Variants in DLGAP2 observed in about 807,000 individuals in gnomAD.
DLGAP2 encodes disks large-associated protein 2.
DLGAP2 carries 26 observed loss-of-function variants against 100.3 expected under a neutral mutation model. The ratio of observed to expected loss-of-function variants is 0.26; its 90% CI spans 0.19 to 0.36. The LOEUF is 0.36. Among genes scored for constraint, DLGAP2 ranks in the 10% least tolerant of loss-of-function variants. DLGAP2 has a pLI of 1.00. For missense variants in DLGAP2, 1,858 were observed against 1,453.2 expected, an observed-to-expected ratio of 1.28 and a Z score of -4.53; for synonymous variants, 886 against 630.1, an observed-to-expected ratio of 1.41 and a Z score of -6.08.
chr8:1,442,391 C>A (rs917876871), intron 3 of DLGAP2, among the ~76,000 whole-genome samples: 2 of 147,592 alleles, frequency 1.4e-5, no homozygotes, highest in Admixed American at 6.8e-5. Context: ...CTGGAGGAGA[C>A]GGATCCGGGC....
intron 4 of DLGAP2, among the ~76,000 whole-genome samples, chr8:1,505,602 A>G (rs1248863653): frequency 6.6e-6 from 1 of 152,242 alleles, no homozygotes; most frequent in Non-Finnish European, 1.5e-5. Flanking sequence ...GCTGTGAAAT[A>G]TAGGAGGATA....
chr8:747,605 C>T (rs1820657905), intron 1 of DLGAP2, among the ~76,000 whole-genome samples: 1 of 108,792 alleles, frequency 9.2e-6, no homozygotes, highest in African/African-American at 3.8e-5. Flanking sequence ...ACGGGACGGG[C>T]AGGCTGTGTG....
At chr8:1,683,558 C>T (rs1292584550) in intron 12 of DLGAP2, among the ~76,000 whole-genome samples, 2 of 151,076 alleles carry the variant, frequency 1.3e-5, no homozygotes, top group Non-Finnish European at 3.0e-5. Flanking sequence ...GAAGTGGCCA[C>T]ATTTGACATT....
intron 2 of DLGAP2, among the ~76,000 whole-genome samples, chr8:1,068,392 G>A (rs781554198): frequency 2.0e-5 from 3 of 152,176 alleles, no homozygotes; most frequent in African/African-American, 4.8e-5. Flanking sequence ...GTCTTCCAAC[G>A]CAGCTGCGTT....
chr8:806,100 C>A (rs921985885), intron 1 of DLGAP2, among the ~76,000 whole-genome samples: 11 of 152,202 alleles, frequency 7.2e-5, no homozygotes, highest in Non-Finnish European at 1.6e-4. Flanking sequence ...TGTCAGTTAT[C>A]AGCTTAAGAC....
Position 1,253,040 on chromosome 8 carries a change from G to A in DLGAP2, c.74-5811G>A, listed in dbSNP as rs145929779. On this transcript the variant is annotated intron_variant, in intron 2 of 14. Transcript: ENST00000637795. Reference sequence around the variant, plus strand: ...CCAGCCCTCATCCCGCTGTCCCTCCGCTGCTTGCACTGCACGGCCCACGGC... The same window carrying A: ...CCAGCCCTCATCCCGCTGTCCCTCCACTGCTTGCACTGCACGGCCCACGGC... Among the ~76,000 whole-genome samples, 102 of 152,270 alleles carry A rather than the reference G, an allele frequency of 6.7e-4. 1 individual carries two copies. Among genetic ancestry groups the A allele is most frequent in the African/African-American group, 2.0e-3 (82 of 41,568 alleles).
chr8:897,117 C>G (rs954465100), intron 1 of DLGAP2, among the ~76,000 whole-genome samples: 3 of 152,128 alleles, frequency 2.0e-5, no homozygotes, highest in Non-Finnish European at 4.4e-5. Context: ...GGGGGTTCAG[C>G]AGCAGGTCTC....
chr8:1,258,961 G>T, intron 3 of DLGAP2, 78 bp downstream of exon 3: 1 of 1,156,074 alleles, frequency 8.6e-7, no homozygotes, highest in South Asian at 4.4e-5. Context: ...AGTCTACCAT[G>T]AAACGTGTTG....
intron 6 of DLGAP2, among the ~76,000 whole-genome samples, chr8:1,581,468 C>G (rs181372182): frequency 6.7e-6 from 1 of 149,506 alleles, no homozygotes; most frequent in East Asian, 2.0e-4. Flanking sequence ...AGACAAAACT[C>G]CACACATATA....
At chr8:982,032 A>G (rs371646233) in intron 2 of DLGAP2, among the ~76,000 whole-genome samples, 1 of 152,086 alleles carries the variant, frequency 6.6e-6, no homozygotes, top group African/African-American at 2.4e-5. Flanking sequence ...TCCACCTTTA[A>G]ACTTGCTTTG....
chr8:986,828 T>A (rs991059991), intron 2 of DLGAP2, among the ~76,000 whole-genome samples: 4 of 151,946 alleles, frequency 2.6e-5, no homozygotes, highest in Admixed American at 6.6e-5. Context: ...CCTGGCTAAT[T>A]TTTGTATTTT....
In DLGAP2 at chr8:1,303,195, A is replaced by T. The variant is rs562919828; in HGVS notation, c.106+44312A>T. On this transcript the variant is annotated intron_variant, in intron 3 of 14. Coordinates refer to ENST00000637795, the MANE Select transcript of DLGAP2 (RefSeq NM_001346810.2). The stretch of plus-strand genomic sequence containing the variant: ...GGTGGATCACAAGGTCAGGAGCTCA[A>T]GACCATCCTGGCTAACACGGTGAAA... Among the ~76,000 whole-genome samples the T allele has an allele frequency of 1.8e-3, 278 of 152,314 alleles. 1 individual carries two copies. Among genetic ancestry groups the T allele is most frequent in the African/African-American group, 6.4e-3 (265 of 41,584 alleles).
At chr8:1,553,726 G>A (rs769207597) in intron 5 of DLGAP2, among the ~76,000 whole-genome samples, 23 of 152,206 alleles carry the variant, frequency 1.5e-4, no homozygotes, top group Non-Finnish European at 2.6e-4. Context: ...GCTGAAGGAC[G>A]TGTTGCGGGT....
intron 2 of DLGAP2, among the ~76,000 whole-genome samples, chr8:1,173,576 C>G (rs1463477231): frequency 6.6e-6 from 1 of 152,182 alleles, no homozygotes. Context: ...CCTAAGCAAG[C>G]CTGGGCAATG....
At chr8:1,263,413 C>A (rs966293044) in intron 3 of DLGAP2, among the ~76,000 whole-genome samples, 1 of 152,114 alleles carries the variant, frequency 6.6e-6, no homozygotes, top group South Asian at 2.1e-4. Context: ...CCTACAGAAT[C>A]TTATATTTTA....
In DLGAP2 at chr8:1,247,321, T is replaced by G. The variant is rs1334009482; in HGVS notation, c.74-11530T>G. Among the ~76,000 whole-genome samples, 9 of 116,326 alleles carry G rather than the reference T, an allele frequency of 7.7e-5. 1 individual carries two copies. Among genetic ancestry groups the G allele is most frequent in the South Asian group, 2.8e-4 (1 of 3,568 alleles). The allele number at this position is 116,326 out of a possible 152,430, so 76.3% of individuals were successfully genotyped here. ...AAGACCATTGAGATCAGTGTGGGAG[T>G]GATGGTCCACATCGGTGGCCAGCAA... is the stretch of plus-strand genomic sequence containing the variant. On this transcript the variant is annotated intron_variant, in intron 2 of 14. Transcript: ENST00000637795.
chr8:1,504,085 T>C (rs1325959250), intron 4 of DLGAP2, among the ~76,000 whole-genome samples: 3 of 151,954 alleles, frequency 2.0e-5, no homozygotes, highest in African/African-American at 7.3e-5. Flanking sequence ...TGACCCTGGT[T>C]CTATGTCAGT....
At chr8:1,005,372 A>G (rs191549681) in intron 2 of DLGAP2, among the ~76,000 whole-genome samples, 4 of 149,282 alleles carry the variant, frequency 2.7e-5, no homozygotes, top group South Asian at 2.2e-4. Context: ...GTTGATGCCC[A>G]TGTTGTTTCC....
At position 1,067,237 on chromosome 8, in the gene DLGAP2, G is replaced by A. The variant is rs560923753; in HGVS notation, c.73+159271G>A. Among the ~76,000 whole-genome samples, 587 of 152,334 alleles carry A rather than the reference G, an allele frequency of 3.9e-3. 4 individuals are homozygous for A. Among genetic ancestry groups the A allele is most frequent in the African/African-American group, 0.014 (565 of 41,592 alleles). On this transcript the variant is annotated intron_variant, in intron 2 of 14. Coordinates refer to ENST00000637795, the MANE Select transcript of DLGAP2 (RefSeq NM_001346810.2). ...GTCCCATCTGACCCCCAGTTCCTGG[G>A]CTTCCTCCCTGTTCTTCAAGGAGAG...
Sources: allele counts gnomAD v4.1 joint callset (sites outside exome capture counted in the v4.1 genomes callset), GRCh38; gene constraint gnomAD v4.1.1; transcripts MANE v1.5; gene names NCBI Gene and HGNC (gene_info 2026-07-23, HGNC 2026-07-21).